PCDH15: variants seen among roughly 807,000 people sequenced by gnomAD.
The protein encoded by PCDH15 is protocadherin related 15, also known as protocadherin-15.
In PCDH15, 129 loss-of-function variants were observed where a neutral mutation model predicts 178.5. The ratio of observed to expected loss-of-function variants is 0.72; its 90% CI spans 0.63 to 0.84. PCDH15 has a LOEUF of 0.84. PCDH15 is among the 40% of genes least tolerant of loss of function. The pLI, the probability that PCDH15 is intolerant of heterozygous loss-of-function variation, is 0.00. For synonymous variants in PCDH15, 800 were observed against 732.0 expected, an observed-to-expected ratio of 1.09 and a Z score of -1.50; for missense variants, 2,230 against 2,099.9, an observed-to-expected ratio of 1.06 and a Z score of -1.21.
intron 2 of PCDH15, among the ~76,000 whole-genome samples, chr10:55,036,881 A>T (rs1345912422): frequency 6.6e-6 from 1 of 152,204 alleles, no homozygotes; most frequent in African/African-American, 2.4e-5. Flanking sequence ...AGAGAAATTA[A>T]AAGGCACTTT....
chr10:54,803,906 T>C (rs966330348), upstream of PCDH15, among the ~76,000 whole-genome samples: 1 of 152,228 alleles, frequency 6.6e-6, no homozygotes, highest in Non-Finnish European at 1.5e-5. Flanking sequence ...AAATGAATCA[T>C]TAAATCTATC....
At chr10:53,898,862 C>T (rs2082138659) in intron 26 of PCDH15, among the ~76,000 whole-genome samples, 1 of 152,056 alleles carries the variant, frequency 6.6e-6, no homozygotes, top group East Asian at 1.9e-4. Context: ...AAAAATAATA[C>T]CTAAATAAAA....
chr10:53,936,625 T>C (rs1395765926), intron 25 of PCDH15, among the ~76,000 whole-genome samples: 3 of 152,174 alleles, frequency 2.0e-5, no homozygotes, highest in East Asian at 1.9e-4. Flanking sequence ...GTTAAACTTA[T>C]GAAATTAGCT....
intron 3 of PCDH15, among the ~76,000 whole-genome samples, chr10:54,490,628 A>G (rs1192654623): frequency 6.6e-6 from 1 of 152,124 alleles, no homozygotes; most frequent in Non-Finnish European, 1.5e-5. Flanking sequence ...CAGCTGTATA[A>G]CTTTAAAAAC....
intron 1 of PCDH15, among the ~76,000 whole-genome samples, chr10:55,249,573 CA>C (rs1841780435): frequency 6.6e-6 from 1 of 152,070 alleles, no homozygotes; most frequent in African/African-American, 2.4e-5. Context: ...AAGTAATTAT[CA>C]AACACAATCT....
chr10:54,108,429 A>G (rs572923320), intron 15 of PCDH15, among the ~76,000 whole-genome samples: 1 of 152,298 alleles, frequency 6.6e-6, no homozygotes, highest in South Asian at 2.1e-4. Flanking sequence ...CGGCTCACAG[A>G]AGGAGTATAT....
chr10:55,057,439 G>A (rs1214703831), intron 2 of PCDH15, among the ~76,000 whole-genome samples: 1 of 151,966 alleles, frequency 6.6e-6, no homozygotes, highest in Admixed American at 6.6e-5. Context: ...TATTAATAAG[G>A]TTGAATAATT....
At chr10:55,385,132 T>A (rs1048599648) in intron 2 of PCDH15, among the ~76,000 whole-genome samples, 2 of 152,096 alleles carry the variant, frequency 1.3e-5, no homozygotes, top group East Asian at 3.9e-4. Context: ...TGACAGTAAA[T>A]GATTCCATAT....
chr10:53,818,155 GT>G (rs1049342107), intron 33 of PCDH15, 142 bp from the exon 34 acceptor site: 4 of 387,644 alleles, frequency 1.0e-5, no homozygotes, highest in Non-Finnish European at 1.8e-5. Flanking sequence ...TCAGTGGGAA[GT>G]ATATTTTGTG....
Position 54,517,041 on chromosome 10 carries a change from A to T in PCDH15, c.157+10771T>A, listed in dbSNP as rs181044372. 1.2e-3 allele frequency among the ~76,000 whole-genome samples: 190 copies of T among 152,288 alleles called. 1 individual carries two copies. The highest frequency in any genetic ancestry group is 4.4e-3 in the African/African-American group (185 of 41,584). On this transcript the variant is annotated intron_variant, in intron 3 of 37. Transcript: ENST00000644397. ...ATTTTGTCACCACCAGGCCTGCCCC[A>T]AAAGAGCTCCTGAAGGAAGCACTAA...
chr10:54,531,289 G>T (rs1299611919), intron 2 of PCDH15, among the ~76,000 whole-genome samples: 3 of 152,036 alleles, frequency 2.0e-5, no homozygotes, highest in Non-Finnish European at 4.4e-5. Context: ...TCCAATTTGT[G>T]GTAAAGTACA....
chr10:54,512,239 A>T (rs887729393), intron 3 of PCDH15, among the ~76,000 whole-genome samples: 1 of 152,148 alleles, frequency 6.6e-6, no homozygotes, highest in Admixed American at 6.6e-5. Flanking sequence ...ATTAAATTTA[A>T]AAGTACAGAG....
At chr10:54,199,804 T>G (rs2050049635) in intron 10 of PCDH15, among the ~76,000 whole-genome samples, 1 of 152,122 alleles carries the variant, frequency 6.6e-6, no homozygotes, top group Non-Finnish European at 1.5e-5. Flanking sequence ...GTAACCTTAT[T>G]TATATTTACA....
chr10:54,021,402 G>T (rs889029133), intron 19 of PCDH15, among the ~76,000 whole-genome samples: 1 of 151,946 alleles, frequency 6.6e-6, no homozygotes, highest in African/African-American at 2.4e-5. Flanking sequence ...TGCTATTAAA[G>T]CATACATTTT....
chr10:54,108,592 T>A (rs926937278), intron 15 of PCDH15, among the ~76,000 whole-genome samples: 7 of 152,136 alleles, frequency 4.6e-5, no homozygotes, highest in Non-Finnish European at 8.8e-5. Flanking sequence ...ATGCAAGTAC[T>A]AGTGCTGAGC....
chr10:55,026,436 T>G (rs1840477404), intron 2 of PCDH15, among the ~76,000 whole-genome samples: 1 of 151,986 alleles, frequency 6.6e-6, no homozygotes, highest in Non-Finnish European at 1.5e-5. Flanking sequence ...TAAGAATTAG[T>G]GTTTTCCTAC....
At chr10:54,442,809 G>GTGTT (rs1196037601) in intron 3 of PCDH15, among the ~76,000 whole-genome samples, 1 of 151,430 alleles carries the variant, frequency 6.6e-6, no homozygotes, top group East Asian at 2.0e-4. Flanking sequence ...AAAGCCCAGT[G>GTGTT]TGTTGGCTTT....
At chr10:53,858,426 C>A (rs1186097883) in intron 27 of PCDH15, among the ~76,000 whole-genome samples, 1 of 152,022 alleles carries the variant, frequency 6.6e-6, no homozygotes, top group East Asian at 1.9e-4. Flanking sequence ...AGTAACAAAT[C>A]CAAGAGCACA....
At chr10:54,517,311 A>C (rs1299622538) in intron 3 of PCDH15, among the ~76,000 whole-genome samples, 2 of 152,184 alleles carry the variant, frequency 1.3e-5, no homozygotes, top group Non-Finnish European at 1.5e-5. Context: ...ATATTCAGGA[A>C]ACCCATCTCA....
Sources: allele counts gnomAD v4.1 joint callset (sites outside exome capture counted in the v4.1 genomes callset), GRCh38; gene constraint gnomAD v4.1.1; transcripts MANE v1.5; gene names NCBI Gene and HGNC (gene_info 2026-07-23, HGNC 2026-07-21).